Variants in MIER1 observed in about 807,000 individuals in gnomAD.
MIER1 encodes the protein MIER1 transcriptional regulator.
A neutral mutation model predicts 75.7 loss-of-function variants in MIER1; 40 were observed. The ratio of observed to expected loss-of-function variants is 0.53; its 90% CI spans 0.41 to 0.69. MIER1 has a LOEUF of 0.69. Among genes scored for constraint, MIER1 ranks in the 30% least tolerant of loss-of-function variants. The pLI is 0.00. For synonymous variants in MIER1, 213 were observed against 223.4 expected (o/e 0.95, Z 0.42); for missense variants, 574 against 680.2 (o/e 0.84, Z 1.74).
chr1:66,965,029 G>A (rs1291522129), intron 8 of MIER1, among the ~76,000 whole-genome samples: 2 of 152,142 alleles, frequency 1.3e-5, no homozygotes, highest in African/African-American at 4.8e-5. Flanking sequence ...ATAGCAATAT[G>A]TTTTAATACA....
At chr1:66,931,785 T>G (rs1237069534) in intron 2 of MIER1, among the ~76,000 whole-genome samples, 2 of 152,210 alleles carry the variant, frequency 1.3e-5, no homozygotes, top group Non-Finnish European at 2.9e-5. Context: ...GAGGTTCTTA[T>G]TCTTAAGTGT....
chr1:66,960,675 G>A (rs1274910356), intron 7 of MIER1, among the ~76,000 whole-genome samples: 8 of 152,110 alleles, frequency 5.3e-5, no homozygotes, highest in Non-Finnish European at 1.0e-4. Flanking sequence ...TGTAGAACTG[G>A]TTAAAACAAA....
intron 4 of MIER1, among the ~76,000 whole-genome samples, chr1:66,948,432 T>C (rs1308242975): frequency 2.0e-5 from 3 of 152,246 alleles, no homozygotes; most frequent in Admixed American, 6.5e-5. Context: ...AGGAGTTCTA[T>C]TACTGTTTAT....
chr1:66,930,424 C>G (rs775602381), intron 2 of MIER1: 12 of 1,604,860 alleles, frequency 7.5e-6, no homozygotes, highest in Admixed American at 1.7e-5. Flanking sequence ...CTCCCCCTCC[C>G]TGTCCCGGAG....
At chr1:66,930,184 A>T in intron 2 of MIER1, 2 of 1,331,106 alleles carry the variant, frequency 1.5e-6, no homozygotes, top group Non-Finnish European at 9.6e-7. Context: ...TTTTCCCTCC[A>T]GTCCAGCCCA....
rs781686231 is a variant in MIER1 at position 66,970,839 on chromosome 1, C to T, written c.804C>T (p.Asp268=). The T allele has an allele frequency of 6.3e-7, 1 of 1,577,306 alleles. No homozygotes were observed. Residue 268 remains aspartate, a synonymous_variant, in exon 9 of 14, where the codon GAC becomes GAT. Coordinates refer to ENST00000401041, the MANE Select transcript of MIER1 (RefSeq NM_001077700.3). ...AAAATGATGATCAGCTCCTGTGGGA[C>T]CCTGAGTACTTACCAGAAGATAAAG... ...VYENDDQLLW[D]PEYLPEDKVI...
chr1:66,936,556 T>A (rs1215319464), intron 2 of MIER1, among the ~76,000 whole-genome samples: 1 of 152,002 alleles, frequency 6.6e-6, no homozygotes, highest in Non-Finnish European at 1.5e-5. Flanking sequence ...CTCTCTCCTT[T>A]CTAGTTTATG....
At chr1:66,940,255 CTA>C (rs1194426094) in intron 3 of MIER1, 1 of 263,992 alleles carries the variant, frequency 3.8e-6, no homozygotes, top group East Asian at 6.5e-5. Flanking sequence ...CTAAAAATGA[CTA>C]TTTTTGGGTT....
intron 13 of MIER1, among the ~76,000 whole-genome samples, chr1:66,983,754 G>C (rs2102117080): frequency 6.6e-6 from 1 of 152,260 alleles, no homozygotes; most frequent in Admixed American, 6.5e-5. Flanking sequence ...TTGAGACAGA[G>C]TCTCGCTTTG....
chr1:66,984,388 G>A (rs1666484235), intron 13 of MIER1, among the ~76,000 whole-genome samples, 184 bp from the exon 14 acceptor site: 1 of 152,148 alleles, frequency 6.6e-6, no homozygotes, highest in South Asian at 2.1e-4. Flanking sequence ...GTAATGAAAT[G>A]GAGATACAGA....
chr1:66,945,267 G>A (rs972180822), intron 3 of MIER1, among the ~76,000 whole-genome samples: 13 of 141,852 alleles, frequency 9.2e-5, no homozygotes, highest in South Asian at 2.2e-4. Context: ...TCTGGTGTGT[G>A]TATATATATA....
chr1:66,959,120 G>C, intron 6 of MIER1, 137 bp downstream of exon 6: 1 of 742,822 alleles, frequency 1.3e-6, no homozygotes. Context: ...TTTGTTGTAA[G>C]TTATTAGTTT....
intron 12 of MIER1, among the ~76,000 whole-genome samples, chr1:66,978,707 TCAG>T (rs991733724): frequency 1.3e-5 from 2 of 152,230 alleles, no homozygotes; most frequent in African/African-American, 4.8e-5. Context: ...TCTGTAATCA[TCAG>T]CAGTAACAAC....
At chr1:66,925,225 A>T in intron 1 of MIER1, 130 bp downstream of exon 1, 1 of 1,366,332 alleles carries the variant, frequency 7.3e-7, no homozygotes, top group Non-Finnish European at 9.4e-7. Flanking sequence ...GAAGACCCTT[A>T]ACTTCCGGGG....
intron 8 of MIER1, 114 bp downstream of exon 8, chr1:66,963,274 A>T: frequency 1.6e-6 from 1 of 634,400 alleles, no homozygotes; most frequent in Admixed American, 2.8e-5. Flanking sequence ...CCCCATTGTA[A>T]CCCCATTGGT....
At chr1:66,968,546 C>G (rs1662896813) in intron 8 of MIER1, among the ~76,000 whole-genome samples, 1 of 152,042 alleles carries the variant, frequency 6.6e-6, no homozygotes, top group Admixed American at 6.5e-5. Context: ...ACCTCCTTAC[C>G]TAGTATCTTG....
At chr1:66,979,291 A>G (rs1371738268) in intron 12 of MIER1, among the ~76,000 whole-genome samples, 2 of 152,176 alleles carry the variant, frequency 1.3e-5, no homozygotes, top group Non-Finnish European at 2.9e-5. Context: ...TGACTTCATA[A>G]AACATTAAGC....
At position 66,936,985 on chromosome 1, in the gene MIER1, C is replaced by T. The variant is rs3008864; in HGVS notation, c.169-3043C>T. ...CTACACTCCAGCCTGGGTGACAGAG[C>T]GAGACTCCATCTCAAAAAAAAAAAA... On this transcript the variant is annotated intron_variant, in intron 2 of 13. Transcript: ENST00000401041. 4.5e-3 allele frequency among the ~76,000 whole-genome samples: 501 copies of T among 110,550 alleles called. 4 individuals carry two copies. The highest frequency in any genetic ancestry group is 0.018 in the African/African-American group (476 of 26,990). 72.5% of individuals were successfully genotyped at this position (110,550 alleles called of 152,430 possible).
chr1:66,934,409 T>TC (rs1188877864), intron 2 of MIER1, among the ~76,000 whole-genome samples: 2 of 149,092 alleles, frequency 1.3e-5, no homozygotes, highest in East Asian at 3.9e-4. Flanking sequence ...TTCTTTCTTT[T>TC]TTTTTTTTTT....
Sources: gnomAD v4.1 joint callset for allele counts (sites outside exome capture counted in the v4.1 genomes callset) on GRCh38, gnomAD v4.1.1 for gene constraint, MANE v1.5 for transcripts, NCBI Gene and HGNC (gene_info 2026-07-23, HGNC 2026-07-21) for gene names.